Variants in HNRNPA2B1 observed in about 807,000 individuals in gnomAD.
HNRNPA2B1 encodes heterogeneous nuclear ribonucleoproteins A2/B1.
Under a neutral mutation model 46.3 loss-of-function variants are expected in HNRNPA2B1, and 3 were observed. The observed-to-expected ratio is 0.06, with a 90% CI of 0.03 to 0.17. The LOEUF (loss-of-function observed/expected upper bound fraction) is 0.17. Ranked by LOEUF, HNRNPA2B1 falls within the 10% of genes least tolerant of loss-of-function variation. HNRNPA2B1 has a pLI of 1.00. For synonymous variants in HNRNPA2B1, 225 were observed against 133.8 expected (o/e 1.68, Z -4.70); for missense variants, 221 against 418.9 (o/e 0.53, Z 4.12).
chr7:26,197,369 T>C lies in HNRNPA2B1; in HGVS notation c.210A>G (p.Arg70=), dbSNP rs1583995622. 1 of 1,613,950 alleles carries C rather than the reference T, an allele frequency of 6.2e-7. No homozygotes were observed. The highest frequency in any genetic ancestry group is 2.2e-5 in the East Asian group (1 of 44,884). ...MAEVDAAMAA[R]PHSIDGRVVE... ...CTACTCTCCCATCAATTGAATGAGG[T>C]CTTGCAGCCATGGCAGCATCAACCT... The change falls in exon 3 of 11, where the codon AGA becomes AGG. Residue 70 remains arginine, a synonymous_variant. Transcript: ENST00000618183.
At chr7:26,199,158 CACTA>C (rs1784048088) in intron 1 of HNRNPA2B1, 1 of 152,650 alleles carries the variant, frequency 6.6e-6, no homozygotes, top group South Asian at 2.1e-4. Context: ...TTTTACAAAT[CACTA>C]ACAAAAAGCA....
At chr7:26,198,575 G>C (rs1043888025) in intron 1 of HNRNPA2B1, 4 of 152,252 alleles carry the variant, frequency 2.6e-5, no homozygotes, top group Non-Finnish European at 4.4e-5. Flanking sequence ...AAGCTTACTT[G>C]ATTGGCCATG....
intron 1 of HNRNPA2B1, chr7:26,198,054 T>A (rs1562719964): frequency 6.9e-6 from 3 of 435,240 alleles, no homozygotes; most frequent in African/African-American, 6.2e-5. Flanking sequence ...TAAGGAAAAA[T>A]AAACAAATGT....
intron 1 of HNRNPA2B1, chr7:26,199,967 T>A (rs1225473958): frequency 6.5e-6 from 1 of 153,554 alleles, no homozygotes; most frequent in Non-Finnish European, 1.5e-5. Context: ...TGCGCAGGAC[T>A]CTAAAGATCC....
intron 1 of HNRNPA2B1, 84 bp from the exon 2 acceptor site, chr7:26,197,816 C>T: frequency 6.2e-7 from 1 of 1,605,616 alleles, no homozygotes; most frequent in Non-Finnish European, 8.5e-7. Flanking sequence ...ATGAGGTGAC[C>T]TGCTGGCAGA....
intron 7 of HNRNPA2B1, among the ~76,000 whole-genome samples, chr7:26,195,512 A>C (rs1343364927): frequency 6.6e-6 from 1 of 152,174 alleles, no homozygotes; most frequent in Non-Finnish European, 1.5e-5. Flanking sequence ...TCCTACATAT[A>C]CCACCCCCTT....
chr7:26,199,132 G>A (rs147568244), intron 1 of HNRNPA2B1: 5 of 152,568 alleles, frequency 3.3e-5, no homozygotes, highest in East Asian at 3.9e-4. Flanking sequence ...TACGGATAAT[G>A]TACATTTATA....
rs1345177769 is a variant in HNRNPA2B1 at position 26,190,490 on chromosome 7, A to T, written c.*1870T>A. ...CAAAGGAAAAAAAAAGTATCTGAAG[A>T]AGTTTATCATGTTTGTCCAAAAGAA... On this transcript the variant is annotated 3_prime_UTR_variant, in exon 11 of 11. Coordinates refer to ENST00000618183, the MANE Select transcript of HNRNPA2B1 (RefSeq NM_002137.4). 6.6e-6 allele frequency: 1 copy of T among 152,524 alleles called. No individual in the cohort carries two copies. The highest frequency in any genetic ancestry group is 1.5e-5 in the Non-Finnish European group (1 of 68,018). The allele number at this position is 152,524 out of a possible 1,614,324, so 9.4% of individuals were successfully genotyped here. A position where few individuals can be genotyped will look rare whatever the true frequency, so the allele number is the denominator to read the frequency against.
At position 26,192,587 on chromosome 7, in the gene HNRNPA2B1, T is replaced by C. The variant is rs776800508; in HGVS notation, c.965-10A>G. ...CCTGGACCATAGTTTCCTATAATTG[T>C]TGGAACAGCAAGAGAAAACAAACTT... On this transcript the variant is annotated splice_polypyrimidine_tract_variant and intron_variant, in intron 9 of 10. Coordinates refer to ENST00000618183, the MANE Select transcript of HNRNPA2B1 (RefSeq NM_002137.4). The C allele has an allele frequency of 6.2e-7, 1 of 1,613,144 alleles. No individual in the cohort carries two copies. The highest frequency in any genetic ancestry group is 8.5e-7 in the Non-Finnish European group (1 of 1,179,130).
At position 26,193,564 on chromosome 7, in the gene HNRNPA2B1, G is replaced by T; in HGVS notation, c.841+11C>A. 6.3e-7 allele frequency: 1 copy of T among 1,574,948 alleles called. No homozygotes were observed. The highest frequency in any genetic ancestry group is 8.6e-7 in the Non-Finnish European group (1 of 1,167,592). On this transcript the variant is annotated intron_variant, in intron 8 of 10. Coordinates refer to ENST00000618183, the MANE Select transcript of HNRNPA2B1 (RefSeq NM_002137.4). ...AAATTCCCACATAAAGGTTGCAGGT[G>T]AATTTATTACCTCCTCCATAGTTGT...
rs1782753054 is a variant in HNRNPA2B1 at position 26,190,305 on chromosome 7, T to C, written c.*2055A>G. 1 of 152,430 alleles carries C rather than the reference T, an allele frequency of 6.6e-6. No individual in the cohort carries two copies. 9.4% of individuals were successfully genotyped at this position (152,430 alleles called of 1,614,324 possible). On this transcript the variant is annotated 3_prime_UTR_variant, in exon 11 of 11. Coordinates refer to ENST00000618183, the MANE Select transcript of HNRNPA2B1 (RefSeq NM_002137.4). Reference sequence around the variant, plus strand: ...TATATCAAGAACCTCAACTAAATGTTTGTTTTATCAGAAAACATTTCCCTT... The same window carrying C: ...TATATCAAGAACCTCAACTAAATGTCTGTTTTATCAGAAAACATTTCCCTT...
rs751844061 is a variant in HNRNPA2B1 at position 26,195,890 on chromosome 7, A to G, written c.678T>C (p.Arg226=). The G allele has an allele frequency of 6.2e-7, 1 of 1,609,654 alleles. No homozygotes were observed. Among genetic ancestry groups the G allele is most frequent in the Admixed American group, 1.7e-5 (1 of 58,666 alleles). ...RGGSDGYGSG[R]GFGDGYNGYG... ...ACCCATTATAGCCATCCCCAAATCCACGTCCACTGCCATATCCATCTGTTA... is the reference window on the plus strand; with the variant it reads ...ACCCATTATAGCCATCCCCAAATCCGCGTCCACTGCCATATCCATCTGTTA... The change falls in exon 7 of 11, where the codon CGT becomes CGC. Residue 226 remains arginine, a synonymous_variant. Transcript: ENST00000618183.
At position 26,192,344 on chromosome 7, in the gene HNRNPA2B1, T is replaced by TCCTC; in HGVS notation, c.*22-7_*22-6insGAGG. The TCCTC allele has an allele frequency of 1.6e-6, 1 of 615,212 alleles. No homozygotes were observed. The highest frequency in any genetic ancestry group is 2.9e-6 in the Non-Finnish European group (1 of 346,948). 38.1% of individuals were successfully genotyped at this position (615,212 alleles called of 1,614,324 possible). A position where few individuals can be genotyped will look rare whatever the true frequency, so the allele number is the denominator to read the frequency against. ...TCCTATTTATACAGTGAAGCCTGTT[T>TCCTC]CAACAGAAGTAAAGAGTAAAAAAAA... On this transcript the variant is annotated splice_region_variant and splice_polypyrimidine_tract_variant and intron_variant, in intron 10 of 10. Transcript: ENST00000618183.
chr7:26,197,234 A>G (rs1182680254), intron 3 of HNRNPA2B1, 81 bp downstream of exon 3: 1 of 1,467,596 alleles, frequency 6.8e-7, no homozygotes, highest in Non-Finnish European at 9.2e-7. Flanking sequence ...TTGAGTTAAA[A>G]CTAAATTCAG....
Position 26,190,037 on chromosome 7 carries a change from A to G in HNRNPA2B1, c.*2323T>C, listed in dbSNP as rs1782712279. 6.6e-6 allele frequency: 1 copy of G among 152,538 alleles called. No individual in the cohort carries two copies. The highest frequency in any genetic ancestry group is 2.4e-5 in the African/African-American group (1 of 41,462). 9.4% of individuals were successfully genotyped at this position (152,538 alleles called of 1,614,324 possible). ...TGCATAGCTTTGTGAAACTGCTTTT[A>G]AAAATTTAGGGGATGGTGATCTTTT... On this transcript the variant is annotated 3_prime_UTR_variant, in exon 11 of 11. Transcript: ENST00000618183.
Position 26,197,062 on chromosome 7 carries a change from C to A in HNRNPA2B1, c.265-45G>T, listed in dbSNP as rs776532421. ...AAAGTCATCCAAACAGAAAAAAACA[C>A]AAGCATAATTCAAAGCACCCAACCG... On this transcript the variant is annotated intron_variant, in intron 3 of 10. Transcript: ENST00000618183. The A allele has an allele frequency of 2.0e-6, 3 of 1,479,874 alleles. No homozygotes were observed. In the African/African-American group the frequency reaches 4.2e-5, roughly 21 times the overall value. The allele number at this position is 1,479,874 out of a possible 1,614,324, so 91.7% of individuals were successfully genotyped here.
intron 7 of HNRNPA2B1, among the ~76,000 whole-genome samples, chr7:26,194,538 C>CAAA (rs35740518): frequency 1.3e-5 from 2 of 150,904 alleles, no homozygotes; most frequent in African/African-American, 4.9e-5. Context: ...CACACCTCTA[C>CAAA]AAAAAAACAC....
chr7:26,196,273 G>T, intron 6 of HNRNPA2B1, 128 bp downstream of exon 6: 1 of 737,504 alleles, frequency 1.4e-6, no homozygotes, highest in African/African-American at 1.8e-5. Flanking sequence ...AGCTTGCCAG[G>T]ATACAATCTA....
Position 26,196,624 on chromosome 7 carries a change from T to C in HNRNPA2B1, c.510A>G (p.Ala170=), listed in dbSNP as rs1033734956. ...GTCTAGACAAAGCCTTTCTTACTTC[T>C]GCATTATGACCATTGATGGTATGGT... ...QKYHTINGHN[A]EVRKALSRQE... is the part of the protein sequence containing the mutation. Residue 170 remains alanine, a synonymous_variant, in exon 5 of 11, where the codon GCA becomes GCG. Coordinates refer to ENST00000618183, the MANE Select transcript of HNRNPA2B1 (RefSeq NM_002137.4). 1.9e-6 allele frequency: 3 copies of C among 1,614,000 alleles called. No individual in the cohort carries two copies. Among genetic ancestry groups the C allele is most frequent in the Admixed American group, 1.7e-5 (1 of 60,018 alleles).
Sources: allele counts gnomAD v4.1 joint callset (sites outside exome capture counted in the v4.1 genomes callset), GRCh38; gene constraint gnomAD v4.1.1; transcripts MANE v1.5; gene names NCBI Gene and HGNC (gene_info 2026-07-23, HGNC 2026-07-21).